Variants in STX2 observed in about 807,000 individuals in gnomAD.
STX2 encodes the protein syntaxin 2.
STX2 carries 27 observed loss-of-function variants against 40.6 expected under a neutral mutation model. The observed-to-expected ratio is 0.66, with a 90% CI of 0.49 to 0.92. The LOEUF is 0.92. Ranked by LOEUF, STX2 falls within the 40% of genes least tolerant of loss-of-function variation. The pLI, the probability that STX2 is intolerant of heterozygous loss-of-function variation, is 0.00. For missense variants in STX2, 328 were observed against 366.1 expected, an observed-to-expected ratio of 0.90 and a Z score of 0.85; for synonymous variants, 123 against 119.1, an observed-to-expected ratio of 1.03 and a Z score of -0.22.
chr12:130,816,387 G>A (rs184520485), intron 3 of STX2, among the ~76,000 whole-genome samples: 2 of 151,222 alleles, frequency 1.3e-5, no homozygotes, highest in East Asian at 1.9e-4. Flanking sequence ...CACTCATGAC[G>A]GAGTGAACTT....
intron 3 of STX2, among the ~76,000 whole-genome samples, chr12:130,818,593 G>A (rs1390146123): frequency 6.6e-6 from 1 of 152,190 alleles, no homozygotes; most frequent in Non-Finnish European, 1.5e-5. Context: ...CAAGGAGCCG[G>A]GTCTCCATGA....
chr12:130,818,046 C>T (rs1593163083), intron 3 of STX2, among the ~76,000 whole-genome samples: 1 of 150,996 alleles, frequency 6.6e-6, no homozygotes. Context: ...AGCCTGGCCA[C>T]GCAGCTCCTT....
chr12:130,818,657 ATGGAGACG>A (rs1565925346), intron 3 of STX2, among the ~76,000 whole-genome samples: 20 of 35,076 alleles, frequency 5.7e-4, no homozygotes, highest in African/African-American at 8.6e-4. Context: ...GGCGCTGGAG[ATGGAGACG>A]ATGGAGACGG....
At chr12:130,832,603 G>A (rs1305613215) in intron 1 of STX2, among the ~76,000 whole-genome samples, 1 of 152,170 alleles carries the variant, frequency 6.6e-6, no homozygotes, top group African/African-American at 2.4e-5. Flanking sequence ...TCTCGCCCCA[G>A]GAATGAGGAT....
intron 3 of STX2, among the ~76,000 whole-genome samples, chr12:130,821,321 C>G (rs912734381): frequency 2.9e-4 from 44 of 152,232 alleles, no homozygotes; most frequent in Non-Finnish European, 1.0e-4. Flanking sequence ...TCTGCTCTTA[C>G]AAGTACTGTT....
At chr12:130,803,222 C>T (rs1250125434) in intron 6 of STX2, among the ~76,000 whole-genome samples, 1 of 152,108 alleles carries the variant, frequency 6.6e-6, no homozygotes, top group Non-Finnish European at 1.5e-5. Flanking sequence ...TATTTGAGAG[C>T]ACACATGGTG....
At chr12:130,835,187 G>A (rs570983250) in intron 1 of STX2, among the ~76,000 whole-genome samples, 1 of 152,386 alleles carries the variant, frequency 6.6e-6, no homozygotes, top group African/African-American at 2.4e-5. Flanking sequence ...TACTCAGGAA[G>A]CTGAGGCGGG....
rs947387379 is a variant in STX2, at chr12:130,839,206, G to T, written c.-107C>A. 2.9e-5 allele frequency: 29 copies of T among 995,354 alleles called. No individual in the cohort carries two copies. The highest frequency in any genetic ancestry group is 6.5e-5 in the East Asian group (1 of 15,378). The allele number at this position is 995,354 out of a possible 1,614,324, so 61.7% of individuals were successfully genotyped here. ...GCCTCAGGCCCCGCGGTCCCGGCCC[G>T]GCGCCAGCAGCCCTCCCTGGAGCCG... On this transcript the variant is annotated 5_prime_UTR_variant, in exon 1 of 11. Coordinates refer to ENST00000392373, the MANE Select transcript of STX2 (RefSeq NM_194356.4).
chr12:130,821,609 C>G (rs2136319708), intron 3 of STX2, 80 bp downstream of exon 3: 1 of 1,160,678 alleles, frequency 8.6e-7, no homozygotes, highest in East Asian at 2.3e-5. Flanking sequence ...CCCGTGAGGC[C>G]AGAGTTGAGG....
chr12:130,802,204 G>A (rs145195460), intron 6 of STX2, among the ~76,000 whole-genome samples: 58 of 152,274 alleles, frequency 3.8e-4, no homozygotes, highest in African/African-American at 1.3e-3. Context: ...GGTTTTTGTC[G>A]CTTTGTTTTT....
Position 130,819,772 on chromosome 12 carries a change from C to A in STX2, c.205+1917G>T, listed in dbSNP as rs183745244. ...GCTAAACAGGCTTCCTTCTAGGAAG[C>A]CTTCTCAGAGCCTTGATTATTCTAC... On this transcript the variant is annotated intron_variant, in intron 3 of 10. Coordinates refer to ENST00000392373, the MANE Select transcript of STX2 (RefSeq NM_194356.4). Among the ~76,000 whole-genome samples, 14 of 152,354 alleles carry A rather than the reference C, an allele frequency of 9.2e-5. No homozygotes were observed. The East Asian group carries it at 2.7e-3, about 29-fold the overall frequency.
chr12:130,802,276 CA>C (rs1387382468), intron 6 of STX2, among the ~76,000 whole-genome samples: 2 of 152,204 alleles, frequency 1.3e-5, no homozygotes, highest in Non-Finnish European at 2.9e-5. Context: ...CAGCTCACTG[CA>C]ACCTCTTCCT....
At chr12:130,815,725 T>C (rs566558297) in intron 3 of STX2, among the ~76,000 whole-genome samples, 1 of 152,306 alleles carries the variant, frequency 6.6e-6, no homozygotes, top group South Asian at 2.1e-4. Context: ...GCTTGCAGCC[T>C]TGGCTGTGAC....
chr12:130,839,028 GC>G, intron 1 of STX2, 41 bp downstream of exon 1: 4 of 804,874 alleles, frequency 5.0e-6, no homozygotes, highest in Admixed American at 4.9e-5. Flanking sequence ...TCCAGACGCC[GC>G]CCCGGCCGGG....
chr12:130,823,035 G>A (rs1952174882), intron 2 of STX2, among the ~76,000 whole-genome samples: 1 of 152,188 alleles, frequency 6.6e-6, no homozygotes, highest in African/African-American at 2.4e-5. Context: ...AGGCACAGTG[G>A]CTCATGCCTG....
chr12:130,798,693 T>C, intron 8 of STX2, 58 bp from the exon 9 acceptor site: 1 of 1,334,722 alleles, frequency 7.5e-7, no homozygotes, highest in Non-Finnish European at 1.0e-6. Context: ...ATCATGTATC[T>C]TTAAGACAAC....
intron 6 of STX2, among the ~76,000 whole-genome samples, chr12:130,805,197 T>G (rs1013040026): frequency 1.6e-4 from 24 of 152,234 alleles, no homozygotes; most frequent in Non-Finnish European, 3.1e-4. Flanking sequence ...GACATCATGA[T>G]TGAGCATTTC....
At chr12:130,797,106 C>T (rs573923956) in intron 9 of STX2, among the ~76,000 whole-genome samples, 11 of 152,218 alleles carry the variant, frequency 7.2e-5, no homozygotes, top group Admixed American at 2.0e-4. Flanking sequence ...CGAGTTTATA[C>T]GCCAGCTACC....
chr12:130,826,846 C>CAA (rs34678057), intron 2 of STX2, among the ~76,000 whole-genome samples: 30 of 143,658 alleles, frequency 2.1e-4, no homozygotes, highest in East Asian at 4.2e-4. Context: ...ACTAAAAGTG[C>CAA]AAAAAAAAAA....
Sources: gnomAD v4.1 joint callset for allele counts (sites outside exome capture counted in the v4.1 genomes callset) on GRCh38, gnomAD v4.1.1 for gene constraint, MANE v1.5 for transcripts, NCBI Gene and HGNC (gene_info 2026-07-23, HGNC 2026-07-21) for gene names.